ARHGEF7: variants seen among roughly 807,000 people sequenced by gnomAD.
ARHGEF7 encodes PAK-interacting exchange factor beta.
ARHGEF7 carries 33 observed loss-of-function variants against 109.8 expected under a neutral mutation model. The ratio of observed to expected loss-of-function variants is 0.30; its 90% CI spans 0.23 to 0.40. The LOEUF is 0.40. ARHGEF7 is among the 10% of genes least tolerant of loss of function. The pLI is 1.00. For missense variants in ARHGEF7, 938 were observed against 1,098.5 expected, an observed-to-expected ratio of 0.85 and a Z score of 2.07; for synonymous variants, 458 against 424.6, an observed-to-expected ratio of 1.08 and a Z score of -0.97.
chr13:111,133,797 ATATATATATATATATATTT>A (rs2074935820), intron 1 of ARHGEF7, among the ~76,000 whole-genome samples: 2 of 40,276 alleles, frequency 5.0e-5, no homozygotes, highest in African/African-American at 6.6e-5. Flanking sequence ...ATATATATAT[ATATATATATATATATATTT>A]ATTATACTTT....
Position 111,233,311 on chromosome 13 carries a change from A to G in ARHGEF7, c.759+18A>G, listed in dbSNP as rs897507043. 8 of 1,599,234 alleles carry G rather than the reference A, an allele frequency of 5.0e-6. No homozygotes were observed. In the South Asian group the frequency reaches 8.8e-5, roughly 18 times the overall value. ...ACAATGTGGTGAGTAATTGCAGAACATTTTTAAACTAACTGGTTTTTGACT... is the reference window on the plus strand; with the variant it reads ...ACAATGTGGTGAGTAATTGCAGAACGTTTTTAAACTAACTGGTTTTTGACT... On this transcript the variant is annotated intron_variant, in intron 6 of 21. Transcript: ENST00000646102.
At chr13:111,265,052 A>T (rs2091476889) in intron 8 of ARHGEF7, among the ~76,000 whole-genome samples, 1 of 144,602 alleles carries the variant, frequency 6.9e-6, no homozygotes, top group African/African-American at 2.6e-5. Flanking sequence ...TGAACCGGGA[A>T]GGCGGAGGTT....
intron 2 of ARHGEF7, among the ~76,000 whole-genome samples, chr13:111,197,326 C>T (rs1442150397): frequency 6.6e-6 from 1 of 152,198 alleles, no homozygotes; most frequent in Non-Finnish European, 1.5e-5. Context: ...TAGTTTCCCT[C>T]CTAGACCACA....
chr13:111,265,490 C>A, intron 8 of ARHGEF7: 1 of 448,404 alleles, frequency 2.2e-6, no homozygotes, highest in South Asian at 1.6e-5. Flanking sequence ...CCAGCCAGTA[C>A]TTAGCCGCGG....
At chr13:111,129,891 T>G (rs745890183) in intron 1 of ARHGEF7, among the ~76,000 whole-genome samples, 11 of 152,084 alleles carry the variant, frequency 7.2e-5, no homozygotes, top group Non-Finnish European at 1.3e-4. Flanking sequence ...CCCAAGAAAA[T>G]GGAAACGATA....
intron 8 of ARHGEF7, among the ~76,000 whole-genome samples, chr13:111,263,418 T>G (rs1390171575): frequency 6.6e-6 from 1 of 152,278 alleles, no homozygotes; most frequent in Admixed American, 6.5e-5. Context: ...TTTCATTAAT[T>G]GATGAAATAT....
At chr13:111,221,560 T>TAG (rs1491224151) in intron 5 of ARHGEF7, among the ~76,000 whole-genome samples, 2 of 61,260 alleles carry the variant, frequency 3.3e-5, no homozygotes, top group Non-Finnish European at 6.2e-5. Context: ...TCTATATATC[T>TAG]ATATATATAG....
intron 2 of ARHGEF7, among the ~76,000 whole-genome samples, chr13:111,168,388 G>A (rs1004731518): frequency 4.6e-5 from 7 of 152,144 alleles, no homozygotes; most frequent in African/African-American, 1.2e-4. Flanking sequence ...CAGAGTCCCC[G>A]CCTCCTGCAG....
Position 111,259,888 on chromosome 13 carries a change from T to C in ARHGEF7, c.951-7660T>C, listed in dbSNP as rs146865455. Among the ~76,000 whole-genome samples, 938 of 152,192 alleles carry C rather than the reference T, an allele frequency of 6.2e-3. 13 individuals are homozygous for C. Among genetic ancestry groups the C allele is most frequent in the African/African-American group, 0.022 (896 of 41,544 alleles). On this transcript the variant is annotated intron_variant, in intron 8 of 21. Coordinates refer to ENST00000646102, the MANE Select transcript of ARHGEF7 (RefSeq NM_001354046.2). ...ATTCAAGATGACACAGAGAAGGAAA[T>C]CAGAATCCTATCAGATAAATTTAAA...
intron 16 of ARHGEF7, among the ~76,000 whole-genome samples, chr13:111,284,637 G>T (rs2092938109): frequency 6.6e-6 from 1 of 152,100 alleles, no homozygotes; most frequent in African/African-American, 2.4e-5. Context: ...AATTTTTTTT[G>T]ATAAGTCTGG....
At chr13:111,162,645 A>T (rs1594139631) in intron 2 of ARHGEF7, among the ~76,000 whole-genome samples, 2 of 152,310 alleles carry the variant, frequency 1.3e-5, no homozygotes, top group East Asian at 3.9e-4. Flanking sequence ...TTGGAAAAGA[A>T]ATTGCCTTAC....
At chr13:111,177,713 G>T (rs898228390) in intron 2 of ARHGEF7, among the ~76,000 whole-genome samples, 2 of 152,136 alleles carry the variant, frequency 1.3e-5, no homozygotes, top group Non-Finnish European at 2.9e-5. Flanking sequence ...GCCCAGACTG[G>T]GTAAAAGGCA....
At chr13:111,197,614 C>G (rs867227183) in intron 2 of ARHGEF7, among the ~76,000 whole-genome samples, 1 of 152,154 alleles carries the variant, frequency 6.6e-6, no homozygotes, top group African/African-American at 2.4e-5. Flanking sequence ...AGAGTGATGC[C>G]TTTTGTCCTC....
intron 6 of ARHGEF7, among the ~76,000 whole-genome samples, chr13:111,235,137 G>A (rs552836042): frequency 1.5e-4 from 23 of 152,322 alleles, no homozygotes; most frequent in Admixed American, 1.2e-3. Context: ...ACAATCCACA[G>A]TGAGATTCCA....
At chr13:111,278,480 A>C (rs1057515157) in intron 13 of ARHGEF7, among the ~76,000 whole-genome samples, 1 of 152,216 alleles carries the variant, frequency 6.6e-6, no homozygotes, top group African/African-American at 2.4e-5. Flanking sequence ...AGGACGTTCA[A>C]GATCCCTAAG....
chr13:111,209,879 G>A lies in ARHGEF7; in HGVS notation c.345G>A (p.Gly115=). 6.2e-7 allele frequency: 1 copy of A among 1,614,128 alleles called. No homozygotes were observed. Among genetic ancestry groups the A allele is most frequent in the Non-Finnish European group, 8.5e-7 (1 of 1,180,010 alleles). ...TGTGCATGCTCTTTGCAGACATCGG[G>A]CTGGGGAGTGACTCCGTGTGTGCCC... ...VTLNKVTADI[G]LGSDSVCARP... Residue 115 remains glycine (G), a synonymous_variant, in exon 4 of 22, where the codon GGG becomes GGA. Coordinates refer to ENST00000646102, the MANE Select transcript of ARHGEF7 (RefSeq NM_001354046.2).
intron 2 of ARHGEF7, among the ~76,000 whole-genome samples, chr13:111,157,339 C>G (rs919955078): frequency 6.7e-6 from 1 of 150,020 alleles, no homozygotes; most frequent in African/African-American, 2.5e-5. Context: ...CACACAATTT[C>G]TATTTGTATC....
intron 5 of ARHGEF7, among the ~76,000 whole-genome samples, chr13:111,218,483 G>C (rs1253788205): frequency 6.6e-6 from 1 of 152,130 alleles, no homozygotes; most frequent in Non-Finnish European, 1.5e-5. Context: ...GGACAGAGGT[G>C]GGGGGTGGGA....
intron 6 of ARHGEF7, among the ~76,000 whole-genome samples, chr13:111,238,715 A>G (rs1793353726): frequency 6.6e-6 from 1 of 151,524 alleles, no homozygotes; most frequent in Non-Finnish European, 1.5e-5. Flanking sequence ...GGAGAGAATG[A>G]TGGTCTGGAG....
Sources: allele counts gnomAD v4.1 joint callset (sites outside exome capture counted in the v4.1 genomes callset), GRCh38; gene constraint gnomAD v4.1.1; transcripts MANE v1.5; gene names NCBI Gene and HGNC (gene_info 2026-07-23, HGNC 2026-07-21).